The following HRH4 variants were observed in gnomAD, a reference collection of about 807,000 sequenced individuals.
HRH4 encodes histamine receptor H4, also known as histamine H4 receptor.
Under a neutral mutation model 10.4 loss-of-function variants are expected in HRH4, and 12 were observed. The ratio of observed to expected loss-of-function variants is 1.15; its 90% CI spans 0.74 to 1.87. The LOEUF (loss-of-function observed/expected upper bound fraction) is 1.87, where lower values mean the gene tolerates loss of function less well. Ranked by LOEUF, HRH4 falls within the 40% of genes most tolerant of loss-of-function variation. The pLI is 0.00. For synonymous variants in HRH4, 154 were observed against 166.6 expected (o/e 0.92, Z 0.58); for missense variants, 415 against 453.3 (o/e 0.92, Z 0.77).
Position 24,478,271 on chromosome 18 carries a change from A to G in HRH4, c.*709A>G, listed in dbSNP as rs1910201847. 6.6e-6 allele frequency: 1 copy of G among 152,258 alleles called. No individual in the cohort carries two copies. 9.4% of individuals were successfully genotyped at this position (152,258 alleles called of 1,614,324 possible). On this transcript the variant is annotated 3_prime_UTR_variant, in exon 3 of 3. Coordinates refer to ENST00000256906, the MANE Select transcript of HRH4 (RefSeq NM_021624.4). ...CCTGTTCTCTTTTTCTAGCTTCCAC[A>G]TCAGCTTCCTTTTTTGAGAACATAT...
chr18:24,463,099 G>T (rs1909683924), intron 1 of HRH4, among the ~76,000 whole-genome samples: 1 of 152,148 alleles, frequency 6.6e-6, no homozygotes, highest in East Asian at 1.9e-4. Context: ...GAATCAAGAT[G>T]GTTCTAGGTA....
intron 1 of HRH4, among the ~76,000 whole-genome samples, chr18:24,467,270 G>A (rs1002460152): frequency 6.6e-6 from 1 of 152,198 alleles, no homozygotes; most frequent in East Asian, 1.9e-4. Context: ...AAATGTACAA[G>A]TCATTGGCCA....
At chr18:24,464,296 C>T (rs957517877) in intron 1 of HRH4, among the ~76,000 whole-genome samples, 4 of 152,148 alleles carry the variant, frequency 2.6e-5, no homozygotes, top group Admixed American at 6.5e-5. Context: ...CGTCTACCTG[C>T]GTCCTCAAGA....
chr18:24,472,930 A>G (rs1047470995), intron 2 of HRH4, among the ~76,000 whole-genome samples: 1 of 152,126 alleles, frequency 6.6e-6, no homozygotes, highest in Non-Finnish European at 1.5e-5. Flanking sequence ...CGAGGCTGGC[A>G]GATCACTTGA....
intron 1 of HRH4, among the ~76,000 whole-genome samples, chr18:24,462,228 G>C (rs1005028331): frequency 2.0e-5 from 3 of 152,118 alleles, no homozygotes; most frequent in African/African-American, 7.2e-5. Flanking sequence ...ATAGGTGCAG[G>C]GGAGCCGTAG....
chr18:24,474,792 T>C (rs1211638494), intron 2 of HRH4, among the ~76,000 whole-genome samples: 1 of 151,930 alleles, frequency 6.6e-6, no homozygotes, highest in Non-Finnish European at 1.5e-5. Flanking sequence ...GTTTAAGTGA[T>C]TGTTGTGCCT....
chr18:24,476,716 A>G (rs1426158588), intron 2 of HRH4, 31 bp from the exon 3 acceptor site: 1 of 1,479,286 alleles, frequency 6.8e-7, no homozygotes, highest in Non-Finnish European at 9.4e-7. Flanking sequence ...ATACACATTC[A>G]TTATATTGAA....
At chr18:24,461,444 AAT>A (rs1443756612) in intron 1 of HRH4, among the ~76,000 whole-genome samples, 1 of 152,184 alleles carries the variant, frequency 6.6e-6, no homozygotes, top group Non-Finnish European at 1.5e-5. Context: ...CCTTGCATAT[AAT>A]ATGATATCAT....
chr18:24,473,699 G>A (rs1199586671), intron 2 of HRH4, among the ~76,000 whole-genome samples: 1 of 152,148 alleles, frequency 6.6e-6, no homozygotes, highest in African/African-American at 2.4e-5. Context: ...AGGTACTGAG[G>A]GGTTTAGGAC....
chr18:24,461,074 T>A (rs1372054470), intron 1 of HRH4, among the ~76,000 whole-genome samples, 153 bp downstream of exon 1: 1 of 152,172 alleles, frequency 6.6e-6, no homozygotes, highest in Non-Finnish European at 1.5e-5. Context: ...GGGGGCTATA[T>A]GGCACTGTAA....
At chr18:24,466,990 T>C (rs758280750) in intron 1 of HRH4, among the ~76,000 whole-genome samples, 4 of 152,246 alleles carry the variant, frequency 2.6e-5, no homozygotes, top group Non-Finnish European at 5.9e-5. Context: ...TATCTATTTG[T>C]TCATGCAGTG....
At chr18:24,461,764 C>CTTTTTTTTTTTTTTTTTTTTT (rs34478102) in intron 1 of HRH4, among the ~76,000 whole-genome samples, 1 of 140,970 alleles carries the variant, frequency 7.1e-6, no homozygotes, top group African/African-American at 2.6e-5. Flanking sequence ...TGTTAGTTCT[C>CTTTTTTTTTTTTTTTTTTTTT]TTTTTTTTTT....
chr18:24,465,280 TGC>T (rs747387949), intron 1 of HRH4, among the ~76,000 whole-genome samples: 2 of 151,996 alleles, frequency 1.3e-5, no homozygotes, highest in Non-Finnish European at 2.9e-5. Context: ...AGAGCCAGAC[TGC>T]GTCAAAAAAC....
chr18:24,470,895 A>G (rs1909923362), intron 2 of HRH4, among the ~76,000 whole-genome samples: 2 of 146,354 alleles, frequency 1.4e-5, no homozygotes, highest in Admixed American at 1.4e-4. Flanking sequence ...GTCATACTAG[A>G]TTCTAGGAAA....
rs1276741673 is a variant in HRH4 at position 24,460,915 on chromosome 18, T to C, written c.187T>C (p.Phe63Leu). ...FFLNLAISDF[F>L]VGVISIPLYI... ...TCTTAACTTGGCCATCTCTGACTTC[T>C]TTGTGGGTAAGTTATATGTCTTTAT... Residue 63 changes from phenylalanine (F) to leucine (L), a missense_variant, in exon 1 of 3, where the codon TTT (phenylalanine) becomes CTT (leucine). Coordinates refer to ENST00000256906, the MANE Select transcript of HRH4 (RefSeq NM_021624.4). The C allele has an allele frequency of 1.3e-6, 2 of 1,555,162 alleles. No homozygotes were observed. The highest frequency in any genetic ancestry group is 1.2e-5 in the South Asian group (1 of 82,594).
At chr18:24,467,906 GAA>G (rs1909820866) in intron 1 of HRH4, among the ~76,000 whole-genome samples, 1 of 152,052 alleles carries the variant, frequency 6.6e-6, no homozygotes, top group South Asian at 2.1e-4. Context: ...TGTTGGCAGA[GAA>G]AAAAGAGATG....
intron 2 of HRH4, among the ~76,000 whole-genome samples, chr18:24,472,798 C>G (rs1330922852): frequency 6.6e-6 from 1 of 152,106 alleles, no homozygotes; most frequent in African/African-American, 2.4e-5. Context: ...TGGCTGAAGT[C>G]AGAGTTGGGT....
intron 1 of HRH4, among the ~76,000 whole-genome samples, chr18:24,463,626 C>T (rs1335125212): frequency 1.3e-5 from 2 of 152,144 alleles, no homozygotes; most frequent in African/African-American, 4.8e-5. Flanking sequence ...GCCATGTGAC[C>T]ATGGCAGGGC....
chr18:24,476,853 A>G lies in HRH4; in HGVS notation c.464A>G (p.Glu155Gly). 6.2e-7 allele frequency: 1 copy of G among 1,614,196 alleles called. No individual in the cohort carries two copies. The highest frequency in any genetic ancestry group is 1.1e-5 in the South Asian group (1 of 91,086). ...AATGGGCCAATGATTCTAGTTTCAG[A>G]GTCTTGGAAGGATGAAGGTAGTGAA... ...LVNGPMILVS[E>G]SWKDEGSECE... The change falls in exon 3 of 3, where the codon GAG becomes GGG. Residue 155 changes from glutamate (E) to glycine (G), a missense_variant. Glu to Gly is a moderately conservative substitution (Grantham distance 98, BLOSUM62 -2). Transcript: ENST00000256906.
Sources: allele counts gnomAD v4.1 joint callset (sites outside exome capture counted in the v4.1 genomes callset), GRCh38; gene constraint gnomAD v4.1.1; transcripts MANE v1.5; gene names NCBI Gene and HGNC (gene_info 2026-07-23, HGNC 2026-07-21).